The following MTSS1 variants were observed in gnomAD, a reference collection of about 807,000 sequenced individuals.
MTSS1 encodes the protein protein MTSS 1.
In MTSS1, 18 loss-of-function variants were observed where a neutral mutation model predicts 79.0. That is an observed-to-expected ratio of 0.23 (90% confidence interval 0.16 to 0.34). MTSS1 has a LOEUF of 0.34. MTSS1 is among the 10% of genes least tolerant of loss of function. The probability of loss-of-function intolerance (pLI) is 1.00; values close to 1 mark genes in which losing one functional copy is unlikely to be tolerated. For missense variants in MTSS1, 815 were observed against 986.2 expected (o/e 0.83, Z 2.33); for synonymous variants, 341 against 368.6 (o/e 0.93, Z 0.86).
At chr8:124,717,117 C>G (rs941824894) in intron 1 of MTSS1, among the ~76,000 whole-genome samples, 1 of 152,134 alleles carries the variant, frequency 6.6e-6, no homozygotes. Flanking sequence ...GCCCTCACCC[C>G]CTGCCCACAT....
chr8:124,727,084 ACG>A lies in MTSS1; in HGVS notation c.72+798_72+799del, dbSNP rs750880628. On this transcript the variant is annotated intron_variant, in intron 1 of 13. Coordinates refer to ENST00000518547, the MANE Select transcript of MTSS1 (RefSeq NM_014751.6). The surrounding 1 kb of genome is among the most constrained non-coding windows in gnomAD (Gnocchi z 4.7). ...AACCAGGGTGTTGTTCCCCGCCCCC[ACG>A]CGCGCGCGCGCACACACACATGCAC... Among the ~76,000 whole-genome samples, 2 of 151,748 alleles carry A rather than the reference ACG, an allele frequency of 1.3e-5. No individual in the cohort carries two copies. The highest frequency in any genetic ancestry group is 2.4e-5 in the African/African-American group (1 of 41,404).
chr8:124,699,533 G>T lies in MTSS1; in HGVS notation c.201C>A (p.Asn67Lys), dbSNP rs774778792. The T allele has an allele frequency of 6.8e-6, 11 of 1,614,048 alleles. No homozygotes were observed. The highest frequency in any genetic ancestry group is 4.0e-5 in the African/African-American group (3 of 74,944). The change falls in exon 3 of 14, where the codon AAC becomes AAA. Residue 67 changes from asparagine (N) to lysine (K), a missense_variant. Coordinates refer to ENST00000518547, the MANE Select transcript of MTSS1 (RefSeq NM_014751.6). ...AFQKVADMAT[N>K]TRGGTREIGS... Reference sequence around the variant, plus strand: ...CAGCCTCCATCTGCTTACCACGTGTGTTGGTGGCCATGTCAGCCACTTTCT... The same window carrying T: ...CAGCCTCCATCTGCTTACCACGTGTTTTGGTGGCCATGTCAGCCACTTTCT...
intron 10 of MTSS1, 196 bp from the exon 11 acceptor site, chr8:124,558,071 T>A (rs1378329239): frequency 1.8e-6 from 1 of 541,610 alleles, no homozygotes; most frequent in Non-Finnish European, 3.2e-6. Flanking sequence ...AGAATGCACA[T>A]GAGTTTGACA....
At chr8:124,572,636 C>T (rs1828022339) in intron 6 of MTSS1, among the ~76,000 whole-genome samples, 2 of 152,168 alleles carry the variant, frequency 1.3e-5, no homozygotes, top group African/African-American at 2.4e-5. Context: ...TGGGCCATCA[C>T]GATCTCTCAC....
chr8:124,580,381 CA>C, intron 6 of MTSS1: 3 of 642,954 alleles, frequency 4.7e-6, no homozygotes, highest in Non-Finnish European at 7.9e-6. Context: ...AATTAAAACA[CA>C]ACGCACACAC....
chr8:124,721,393 CTTT>C, intron 1 of MTSS1, among the ~76,000 whole-genome samples: 1 of 15,218 alleles, frequency 6.6e-5, no homozygotes, highest in Non-Finnish European at 1.8e-4. Flanking sequence ...AGTTTATTTA[CTTT>C]AACATTTAAC....
Position 124,589,529 on chromosome 8 carries a change from A to G in MTSS1, c.385+91T>C, listed in dbSNP as rs983212818. 58 of 1,002,270 alleles carry G rather than the reference A, an allele frequency of 5.8e-5. 1 individual carries two copies. The Middle Eastern group carries it at 8.7e-4, about 15-fold the overall frequency. 62.1% of individuals were successfully genotyped at this position (1,002,270 alleles called of 1,614,324 possible). A position where few individuals can be genotyped will look rare whatever the true frequency, so the allele number is the denominator to read the frequency against. ...GCCCTTGGCTGTTTTGGTGACACCA[A>G]TAAACCTAGCAGAGGGGCCAGGCAG... On this transcript the variant is annotated intron_variant, in intron 5 of 13. Transcript: ENST00000518547.
chr8:124,674,433 G>A (rs946361676), intron 3 of MTSS1, among the ~76,000 whole-genome samples: 7 of 152,054 alleles, frequency 4.6e-5, no homozygotes, highest in East Asian at 1.9e-4. Context: ...TACTTGGTCC[G>A]CCTCCTGGTG....
At chr8:124,674,441 G>A (rs1484347335) in intron 3 of MTSS1, among the ~76,000 whole-genome samples, 1 of 152,176 alleles carries the variant, frequency 6.6e-6, no homozygotes, top group East Asian at 1.9e-4. Flanking sequence ...CCGCCTCCTG[G>A]TGCAAGCAAT....
At chr8:124,614,255 G>A (rs1836426874) in intron 3 of MTSS1, among the ~76,000 whole-genome samples, 1 of 152,124 alleles carries the variant, frequency 6.6e-6, no homozygotes, top group Admixed American at 6.6e-5. Context: ...GAAAGAACAG[G>A]GGGATTACCT....
At chr8:124,720,325 G>C (rs187520167) in intron 1 of MTSS1, among the ~76,000 whole-genome samples, 398 of 152,270 alleles carry the variant, frequency 2.6e-3, no homozygotes, top group Non-Finnish European at 4.3e-3. Context: ...TGCCACATTC[G>C]GCCCATGGGA....
intron 10 of MTSS1, chr8:124,558,735 C>T (rs1362320134): frequency 6.3e-7 from 1 of 1,575,684 alleles, no homozygotes; most frequent in Admixed American, 1.8e-5. Context: ...CACCCAGGCA[C>T]CCATGGTGGA....
At chr8:124,615,242 G>T (rs1371947641) in intron 3 of MTSS1, among the ~76,000 whole-genome samples, 1 of 152,172 alleles carries the variant, frequency 6.6e-6, no homozygotes, top group African/African-American at 2.4e-5. Context: ...GCCATGCTGG[G>T]GGGTAGGCAG....
chr8:124,699,430 G>T (rs1587872352), intron 3 of MTSS1, 96 bp downstream of exon 3: 2 of 571,188 alleles, frequency 3.5e-6, no homozygotes, highest in Non-Finnish European at 5.0e-6. Flanking sequence ...GCTCAGCTCT[G>T]ATAACTTAAG....
intron 1 of MTSS1, among the ~76,000 whole-genome samples, chr8:124,706,578 A>G (rs1482253857): frequency 1.3e-5 from 2 of 152,196 alleles, no homozygotes; most frequent in Non-Finnish European, 2.9e-5. Context: ...ATTTGCCCCT[A>G]TGGGAAACTA....
intron 3 of MTSS1, among the ~76,000 whole-genome samples, chr8:124,656,794 A>AG (rs1563943322): frequency 6.6e-6 from 1 of 150,934 alleles, no homozygotes; most frequent in East Asian, 1.9e-4. Flanking sequence ...AAAAAAAAAA[A>AG]AAAAAGAAAA....
chr8:124,609,394 ACAG>A (rs1406747978), intron 3 of MTSS1, among the ~76,000 whole-genome samples: 1 of 152,240 alleles, frequency 6.6e-6, no homozygotes, highest in African/African-American at 2.4e-5. Context: ...AAGTGGCTCG[ACAG>A]CAGAAGAGTT....
At chr8:124,561,170 G>T (rs1378951140) in intron 10 of MTSS1, among the ~76,000 whole-genome samples, 2 of 152,210 alleles carry the variant, frequency 1.3e-5, no homozygotes, top group African/African-American at 2.4e-5. Context: ...GGTGGCTCAT[G>T]CCTGTAATTC....
intron 3 of MTSS1, among the ~76,000 whole-genome samples, chr8:124,652,603 T>C (rs921034108): frequency 6.7e-6 from 1 of 148,282 alleles, no homozygotes; most frequent in East Asian, 2.2e-4. Flanking sequence ...GAGACCAGCC[T>C]GGCCGACCTG....
Sources: gnomAD v4.1 joint callset for allele counts (sites outside exome capture counted in the v4.1 genomes callset) on GRCh38, gnomAD v4.1.1 for gene constraint, Gnocchi (gnomAD v3.1) non-coding constraint, MANE v1.5 for transcripts, NCBI Gene and HGNC (gene_info 2026-07-23, HGNC 2026-07-21) for gene names.